GSE1: variants seen among roughly 807,000 people sequenced by gnomAD.
The protein encoded by GSE1 is genetic suppressor element 1.
GSE1 carries 32 observed loss-of-function variants against 112.6 expected under a neutral mutation model. That is an observed-to-expected ratio of 0.28 (90% CI 0.21 to 0.38). The LOEUF (loss-of-function observed/expected upper bound fraction) is 0.38. Among genes scored for constraint, GSE1 ranks in the 10% least tolerant of loss-of-function variants. GSE1 has a pLI of 1.00. For synonymous variants in GSE1, 1,115 were observed against 735.6 expected (o/e 1.52, Z -8.35); for missense variants, 2,348 against 1,699.2 (o/e 1.38, Z -6.71).
In GSE1 at chr16:85,665,046, C is replaced by T; in HGVS notation, c.2676C>T (p.Ala892=). The change falls in exon 12 of 16, where the codon GCC becomes GCT. Residue 892 remains alanine (A), a synonymous_variant. Coordinates refer to ENST00000253458, the MANE Select transcript of GSE1 (RefSeq NM_014615.5). The part of the protein sequence containing the change: ...DKERLVEMLR[A]MKQKALSAAV... Reference sequence around the variant, plus strand: ...AGAGACTTGTTGAAATGCTCCGTGCCATGAAGCAGAAGGCACTGTCAGCAG... The same window carrying T: ...AGAGACTTGTTGAAATGCTCCGTGCTATGAAGCAGAAGGCACTGTCAGCAG... 4 of 1,611,616 alleles carry T rather than the reference C, an allele frequency of 2.5e-6. No homozygotes were observed. Among genetic ancestry groups the T allele is most frequent in the South Asian group, 1.1e-5 (1 of 91,018 alleles).
intron 1 of GSE1, among the ~76,000 whole-genome samples, chr16:85,258,441 G>A (rs992353565): frequency 1.3e-5 from 2 of 152,198 alleles, no homozygotes; most frequent in African/African-American, 2.4e-5. Context: ...CATTCTCACC[G>A]GGTCCCCACC....
Position 85,672,744 on chromosome 16 carries a change from A to C in GSE1, c.*205A>C, listed in dbSNP as rs28754268. ...ATTGAATCACCGTTGTCATTCAGCG[A>C]GCAACCAATGTAGGATTGCCCACAG... On this transcript the variant is annotated 3_prime_UTR_variant, in exon 16 of 16. Coordinates refer to ENST00000253458, the MANE Select transcript of GSE1 (RefSeq NM_014615.5). 1,915 of 414,206 alleles carry C rather than the reference A, an allele frequency of 4.6e-3. 30 individuals carry two copies. The highest frequency in any genetic ancestry group is 0.035 in the African/African-American group (1,751 of 50,042). The allele number at this position is 414,206 out of a possible 1,614,324, so 25.7% of individuals were successfully genotyped here. A position where few individuals can be genotyped will look rare whatever the true frequency, so the allele number is the denominator to read the frequency against.
intron 1 of GSE1, among the ~76,000 whole-genome samples, chr16:85,307,853 C>T (rs1443359123): frequency 2.0e-5 from 3 of 152,174 alleles, no homozygotes; most frequent in African/African-American, 7.2e-5. Context: ...TCTTCAAGGG[C>T]CTAGAGGTGA....
At chr16:85,508,780 CT>C (rs2051630164) in intron 2 of GSE1, among the ~76,000 whole-genome samples, 1 of 152,188 alleles carries the variant, frequency 6.6e-6, no homozygotes, top group African/African-American at 2.4e-5. Context: ...CACGCTTTGT[CT>C]TTTACCTGAA....
At position 85,466,273 on chromosome 16, in the gene GSE1, A is replaced by C. The variant is rs1446854061; in HGVS notation, c.2464+108630A>C. Among the ~76,000 whole-genome samples the C allele has an allele frequency of 2.6e-5, 4 of 152,138 alleles. No individual in the cohort carries two copies. In the East Asian group the frequency reaches 7.7e-4, roughly 29 times the overall value. ...CCAGGAGTGCTCTCATTGTGCTTGGAAATTAAGGGCTATGGAGCAGTTGCC... is the reference window on the plus strand; with the variant it reads ...CCAGGAGTGCTCTCATTGTGCTTGGCAATTAAGGGCTATGGAGCAGTTGCC... On this transcript the variant is annotated intron_variant, in intron 2 of 2. Coordinates refer to the GSE1 transcript ENST00000637419.
At chr16:85,199,347 A>T (rs1400085691) in intron 1 of GSE1, among the ~76,000 whole-genome samples, 1 of 152,018 alleles carries the variant, frequency 6.6e-6, no homozygotes, top group Non-Finnish European at 1.5e-5. Context: ...CAGCCTCCCA[A>T]AGTGTGGAGA....
At chr16:85,307,757 G>A (rs2045721333) in intron 1 of GSE1, among the ~76,000 whole-genome samples, 2 of 152,168 alleles carry the variant, frequency 1.3e-5, no homozygotes, top group South Asian at 2.1e-4. Context: ...GTGGTTCAAG[G>A]CCCCACCATG....
At chr16:85,551,947 T>G (rs549895295), upstream of GSE1, among the ~76,000 whole-genome samples, 2 of 152,252 alleles carry the variant, frequency 1.3e-5, no homozygotes, top group South Asian at 4.1e-4. Flanking sequence ...TCCTTCCTGG[T>G]CTGGCCTACC....
intron 1 of GSE1, chr16:85,592,173 T>G (rs1384004417): frequency 6.6e-6 from 1 of 152,042 alleles, no homozygotes; most frequent in Non-Finnish European, 1.5e-5. Flanking sequence ...TGTTTTTGTT[T>G]TTTTTTTGAG....
intron 1 of GSE1, among the ~76,000 whole-genome samples, chr16:85,303,051 C>T (rs914956853): frequency 6.6e-6 from 1 of 152,224 alleles, no homozygotes; most frequent in Non-Finnish European, 1.5e-5. Flanking sequence ...AGTCCTGTGG[C>T]CCCCGCCTGC....
intron 2 of GSE1, among the ~76,000 whole-genome samples, chr16:85,430,460 C>T (rs1282166579): frequency 6.6e-6 from 1 of 152,212 alleles, no homozygotes; most frequent in Non-Finnish European, 1.5e-5. Flanking sequence ...AAGAGGGACA[C>T]AGGTGGGAAC....
exon 1 of GSE1, chr16:85,171,782 G>C: frequency 1.0e-6 from 1 of 985,640 alleles, no homozygotes; most frequent in Non-Finnish European, 1.2e-6. Flanking sequence ...ATGAGCTGGA[G>C]CTCCCCGGTG....
At chr16:85,313,301 G>A (rs554255842) in intron 1 of GSE1, among the ~76,000 whole-genome samples, 56 of 152,208 alleles carry the variant, frequency 3.7e-4, no homozygotes, top group African/African-American at 1.3e-3. Flanking sequence ...CTTGTCCTGC[G>A]TGTCTTCCTC....
At chr16:85,291,766 C>G (rs1392025879) in intron 1 of GSE1, among the ~76,000 whole-genome samples, 1 of 152,244 alleles carries the variant, frequency 6.6e-6, no homozygotes, top group Non-Finnish European at 1.5e-5. Flanking sequence ...AGGCCAGAGG[C>G]CACCTCCCAG....
intron 6 of GSE1, 106 bp from the exon 7 acceptor site, chr16:85,656,237 G>C: frequency 7.1e-7 from 1 of 1,408,900 alleles, no homozygotes; most frequent in Non-Finnish European, 9.7e-7. Context: ...TCACTGTTCA[G>C]ATTAGCGCCC....
intron 2 of GSE1, among the ~76,000 whole-genome samples, chr16:85,450,143 C>T (rs1171373589): frequency 2.9e-5 from 1 of 34,788 alleles, no homozygotes; most frequent in South Asian, 7.3e-4. Context: ...TTTTTTGAGA[C>T]GGAATTTCGC....
intron 1 of GSE1, among the ~76,000 whole-genome samples, chr16:85,205,222 TG>T (rs945650466): frequency 9.2e-5 from 14 of 152,142 alleles, no homozygotes; most frequent in Non-Finnish European, 1.3e-4. Flanking sequence ...CTCCGCCTCC[TG>T]GGGGTTCAAG....
At chr16:85,527,064 A>G (rs2052386590) in intron 2 of GSE1, among the ~76,000 whole-genome samples, 1 of 151,836 alleles carries the variant, frequency 6.6e-6, no homozygotes, top group Admixed American at 6.6e-5. Flanking sequence ...CCCTGCGTTC[A>G]CCTCTCCGGT....
In GSE1 at chr16:85,673,280, C is replaced by T. The variant is rs966253706; in HGVS notation, c.*741C>T. Reference sequence around the variant, plus strand: ...ACAGTGGGTTGGGTTTTCATACAGACGTAAATTTTGAGAGAAAAGTCAAAG... The same window carrying T: ...ACAGTGGGTTGGGTTTTCATACAGATGTAAATTTTGAGAGAAAAGTCAAAG... On this transcript the variant is annotated 3_prime_UTR_variant, in exon 16 of 16. Coordinates refer to ENST00000253458, the MANE Select transcript of GSE1 (RefSeq NM_014615.5). The T allele has an allele frequency of 1.1e-4, 17 of 152,216 alleles. No individual in the cohort carries two copies. Among genetic ancestry groups the T allele is most frequent in the Admixed American group, 6.5e-4 (10 of 15,268 alleles). The allele number at this position is 152,216 out of a possible 1,614,324, so 9.4% of individuals were successfully genotyped here. A position where few individuals can be genotyped will look rare whatever the true frequency, so the allele number is the denominator to read the frequency against.
Sources: allele counts gnomAD v4.1 joint callset (sites outside exome capture counted in the v4.1 genomes callset), GRCh38; gene constraint gnomAD v4.1.1; transcripts MANE v1.5; gene names NCBI Gene and HGNC (gene_info 2026-07-23, HGNC 2026-07-21).